Variants in MYO1D observed in about 807,000 individuals in gnomAD.
MYO1D encodes myosin ID, also known as unconventional myosin-Id.
In MYO1D, 83 loss-of-function variants were observed where a neutral mutation model predicts 122.0. The ratio of observed to expected loss-of-function variants is 0.68; its 90% CI spans 0.57 to 0.82. MYO1D has a LOEUF of 0.82. Among genes scored for constraint, MYO1D ranks in the 40% least tolerant of loss-of-function variants. MYO1D has a pLI of 0.00. For synonymous variants in MYO1D, 464 were observed against 446.9 expected, an observed-to-expected ratio of 1.04 and a Z score of -0.48; for missense variants, 1,157 against 1,269.5, an observed-to-expected ratio of 0.91 and a Z score of 1.35.
chr17:32,827,414 G>A (rs1430597339), intron 1 of MYO1D, among the ~76,000 whole-genome samples: 1 of 152,148 alleles, frequency 6.6e-6, no homozygotes, highest in South Asian at 2.1e-4. Flanking sequence ...GGAGGAATGG[G>A]AGTTATGGTC....
At chr17:32,739,234 TG>T (rs1448339412) in intron 13 of MYO1D, among the ~76,000 whole-genome samples, 1 of 152,070 alleles carries the variant, frequency 6.6e-6, no homozygotes, top group Non-Finnish European at 1.5e-5. Context: ...AATTGGGGGT[TG>T]AGCAACCCAA....
intron 16 of MYO1D, chr17:32,686,231 C>CAT (rs1482555594): frequency 3.3e-5 from 5 of 152,106 alleles, no homozygotes; most frequent in African/African-American, 1.2e-4. Flanking sequence ...TAAATGCAAT[C>CAT]ATATATATCC....
At chr17:32,831,497 T>C (rs1000249561) in intron 1 of MYO1D, among the ~76,000 whole-genome samples, 63 of 152,364 alleles carry the variant, frequency 4.1e-4, no homozygotes, top group African/African-American at 1.4e-3. Flanking sequence ...AGATACTTAG[T>C]AATCCAACTA....
At chr17:32,627,023 G>C (rs1316927811) in intron 20 of MYO1D, among the ~76,000 whole-genome samples, 1 of 152,114 alleles carries the variant, frequency 6.6e-6, no homozygotes, top group African/African-American at 2.4e-5. Context: ...TCTAAGAAGA[G>C]AGGTTTCCAA....
chr17:32,558,823 G>C (rs568254202), intron 21 of MYO1D, among the ~76,000 whole-genome samples: 18 of 152,310 alleles, frequency 1.2e-4, no homozygotes, highest in African/African-American at 4.3e-4. Context: ...GTAGATGCTG[G>C]AGCCAGACTG....
chr17:32,643,127 C>T (rs1387303917), intron 19 of MYO1D, among the ~76,000 whole-genome samples: 1 of 152,144 alleles, frequency 6.6e-6, no homozygotes, highest in Non-Finnish European at 1.5e-5. Context: ...GAGTGTTTAG[C>T]ATGAAGCGCT....
Position 32,519,907 on chromosome 17 carries a change from A to ATTTTTTT in MYO1D, c.2865-24993_2865-24992insAAAAAAA, listed in dbSNP as rs1258784926. 2.5e-4 allele frequency among the ~76,000 whole-genome samples: 37 copies of ATTTTTTT among 146,524 alleles called. 2 individuals are homozygous for ATTTTTTT. Among genetic ancestry groups the ATTTTTTT allele is most frequent in the Middle Eastern group, 3.4e-3 (1 of 294 alleles). ...ACAGCAGGCTTTTTTTTTTTAAAAA[A>ATTTTTTT]AAAAACCAGGGCGATGTCTTAGCCA... On this transcript the variant is annotated intron_variant, in intron 21 of 21. Coordinates refer to ENST00000318217, the MANE Select transcript of MYO1D (RefSeq NM_015194.3).
At chr17:32,765,479 A>G (rs1247562305) in intron 7 of MYO1D, among the ~76,000 whole-genome samples, 3 of 151,910 alleles carry the variant, frequency 2.0e-5, no homozygotes, top group African/African-American at 7.3e-5. Context: ...TATTTTTGAG[A>G]CAGAGTCTCG....
At chr17:32,770,361 AG>A (rs2090101101) in intron 6 of MYO1D, among the ~76,000 whole-genome samples, 1 of 152,152 alleles carries the variant, frequency 6.6e-6, no homozygotes, top group Admixed American at 6.6e-5. Flanking sequence ...TTTTTAAATA[AG>A]GAAAAACAGA....
intron 1 of MYO1D, among the ~76,000 whole-genome samples, chr17:32,819,390 G>A (rs1047192713): frequency 5.3e-5 from 8 of 152,126 alleles, no homozygotes; most frequent in African/African-American, 1.9e-4. Context: ...TTTTCATTCA[G>A]TCCATTCCCC....
intron 2 of MYO1D, 60 bp downstream of exon 2, chr17:32,780,516 A>C (rs1386256189): frequency 2.0e-6 from 3 of 1,502,806 alleles, no homozygotes; most frequent in Non-Finnish European, 2.8e-6. Context: ...TGGATTCTTG[A>C]GTATCAAACA....
At chr17:32,680,598 C>A (rs372389043) in intron 16 of MYO1D, among the ~76,000 whole-genome samples, 19,080 of 134,824 alleles carry the variant, frequency 0.14, 1,783 homozygotes, top group Middle Eastern at 0.23. Flanking sequence ...GCCTTGCATC[C>A]CAGGGATGAA....
At chr17:32,746,575 C>T (rs546576762) in intron 12 of MYO1D, among the ~76,000 whole-genome samples, 11 of 152,120 alleles carry the variant, frequency 7.2e-5, no homozygotes, top group South Asian at 4.2e-4. Flanking sequence ...TGTATATATG[C>T]GTGTTTTCAT....
At chr17:32,715,505 T>G (rs779073946) in intron 15 of MYO1D, among the ~76,000 whole-genome samples, 3 of 152,158 alleles carry the variant, frequency 2.0e-5, no homozygotes, top group Non-Finnish European at 4.4e-5. Flanking sequence ...CTTGTCAATC[T>G]GATTTTCTGG....
At chr17:32,582,284 A>C (rs1437272157) in intron 21 of MYO1D, among the ~76,000 whole-genome samples, 1 of 152,242 alleles carries the variant, frequency 6.6e-6, no homozygotes, top group Non-Finnish European at 1.5e-5. Flanking sequence ...GCATTTTAAA[A>C]GAAAAGCATT....
chr17:32,546,620 G>A (rs62062470), intron 21 of MYO1D, among the ~76,000 whole-genome samples: 13,407 of 152,282 alleles, frequency 0.088, 722 homozygotes, highest in South Asian at 0.17. Flanking sequence ...GGGGGGCATG[G>A]CTGCCAAGGA....
At chr17:32,775,296 G>A (rs554426085) in intron 4 of MYO1D, among the ~76,000 whole-genome samples, 25 of 152,132 alleles carry the variant, frequency 1.6e-4, no homozygotes, top group African/African-American at 6.0e-4. Context: ...GTGAGACTCT[G>A]TCTCAAAAAA....
intron 21 of MYO1D, among the ~76,000 whole-genome samples, chr17:32,582,083 T>C (rs907414763): frequency 2.2e-4 from 34 of 152,126 alleles, no homozygotes; most frequent in African/African-American, 7.2e-4. Flanking sequence ...GCTGATTTTT[T>C]TGTAATTTTT....
chr17:32,573,663 G>C (rs1487466064), intron 21 of MYO1D, among the ~76,000 whole-genome samples: 1 of 152,028 alleles, frequency 6.6e-6, no homozygotes, highest in Non-Finnish European at 1.5e-5. Context: ...GGGATGACAG[G>C]CATGTGCCAC....
Sources: gnomAD v4.1 joint callset for allele counts (sites outside exome capture counted in the v4.1 genomes callset) on GRCh38, gnomAD v4.1.1 for gene constraint, MANE v1.5 for transcripts, NCBI Gene and HGNC (gene_info 2026-07-23, HGNC 2026-07-21) for gene names.